Variants in TEX10 observed in about 807,000 individuals in gnomAD.
TEX10 encodes testis expressed 10.
In TEX10, 24 loss-of-function variants were observed where a neutral mutation model predicts 104.4. The observed-to-expected ratio is 0.23, with a 90% CI of 0.17 to 0.32. The LOEUF (loss-of-function observed/expected upper bound fraction) is 0.32. TEX10 is among the 10% of genes least tolerant of loss of function. The pLI is 1.00. For missense variants in TEX10, 921 were observed against 1,083.9 expected (o/e 0.85, Z 2.11); for synonymous variants, 396 against 393.4 (o/e 1.01, Z -0.08).
intron 13 of TEX10, chr9:100,307,036 T>C (rs1834159054): frequency 6.6e-6 from 1 of 152,216 alleles, no homozygotes; most frequent in Non-Finnish European, 1.5e-5. Context: ...TCTTGACCTG[T>C]CAGACCTAAT....
chr9:100,323,854 G>C (rs183921645), intron 9 of TEX10, among the ~76,000 whole-genome samples: 10 of 152,224 alleles, frequency 6.6e-5, no homozygotes, highest in Admixed American at 3.3e-4. Context: ...GAGTATTGCA[G>C]AAAAATCAAT....
intron 11 of TEX10, among the ~76,000 whole-genome samples, chr9:100,316,511 C>A (rs147993481): frequency 6.6e-6 from 1 of 151,996 alleles, no homozygotes; most frequent in Admixed American, 6.6e-5. Flanking sequence ...CAACATAGTA[C>A]GGGACGTCCT....
chr9:100,327,968 A>C lies in TEX10; in HGVS notation c.1626-6T>G. On this transcript the variant is annotated splice_polypyrimidine_tract_variant and splice_region_variant and intron_variant, in intron 7 of 14. Coordinates refer to ENST00000374902, the MANE Select transcript of TEX10 (RefSeq NM_017746.4). ...ATAACACTTTACTACGATATCTTAG[A>C]AAGGCCAAAGAAGAATAAAATGTAA... is the stretch of plus-strand genomic sequence containing the variant. 3 of 1,539,632 alleles carry C rather than the reference A, an allele frequency of 1.9e-6. No homozygotes were observed. The African/African-American group carries it at 4.1e-5, about 21-fold the overall frequency.
chr9:100,340,440 A>T, intron 4 of TEX10, 71 bp from the exon 5 acceptor site: 1 of 869,786 alleles, frequency 1.1e-6, no homozygotes, highest in Non-Finnish European at 1.8e-6. Context: ...CTTGAAGAGA[A>T]ATGACAACTT....
chr9:100,329,367 T>G, intron 6 of TEX10, 92 bp from the exon 7 acceptor site: 1 of 1,486,296 alleles, frequency 6.7e-7, no homozygotes, highest in Non-Finnish European at 9.0e-7. Context: ...CTTTACTTTC[T>G]TCCTATGGCA....
chr9:100,352,767 C>CT lies in TEX10; in HGVS notation c.-10+4dup, dbSNP rs1835495139. On this transcript the variant is annotated splice_donor_region_variant and intron_variant, in intron 1 of 14. Coordinates refer to ENST00000374902, the MANE Select transcript of TEX10 (RefSeq NM_017746.4). ...GACCCGGCCCGACGGGCGACGGCCG[C>CT]TTACCTGAGGACCCGGCCGCGGCCG... is the stretch of plus-strand genomic sequence containing the variant. The CT allele has an allele frequency of 2.6e-6, 3 of 1,135,520 alleles. No homozygotes were observed. The highest frequency in any genetic ancestry group is 2.2e-6 in the Non-Finnish European group (2 of 927,994). The allele number at this position is 1,135,520 out of a possible 1,614,324, so 70.3% of individuals were successfully genotyped here.
intron 5 of TEX10, among the ~76,000 whole-genome samples, chr9:100,334,439 T>C (rs1834955474): frequency 6.6e-6 from 1 of 152,026 alleles, no homozygotes; most frequent in Admixed American, 6.6e-5. Context: ...GAGAAATACA[T>C]TTTTATGGGG....
chr9:100,333,227 G>A (rs1834914312), intron 5 of TEX10, among the ~76,000 whole-genome samples: 1 of 152,028 alleles, frequency 6.6e-6, no homozygotes, highest in South Asian at 2.1e-4. Flanking sequence ...GCCTCCAAAA[G>A]GGCTGGGATT....
chr9:100,302,928 G>A (rs1259072760), intron 14 of TEX10, among the ~76,000 whole-genome samples: 1 of 134,172 alleles, frequency 7.5e-6, no homozygotes, highest in Admixed American at 7.5e-5. Flanking sequence ...TTTTTTAACC[G>A]CCCCCCCCCC....
At position 100,346,798 on chromosome 9, in the gene TEX10, G is replaced by A. The variant is rs1488494312; in HGVS notation, c.789C>T (p.Asn263=). 6.2e-7 allele frequency: 1 copy of A among 1,614,168 alleles called. No individual in the cohort carries two copies. Reference sequence around the variant, plus strand: ...GTTCCTTCCAGTTGATAAAAATGGAGTTGCTAGTGGCATGGGGATTTTCTT... The same window carrying A: ...GTTCCTTCCAGTTGATAAAAATGGAATTGCTAGTGGCATGGGGATTTTCTT... ...EQKENPHATS[N]SIFINWKEHA... Residue 263 remains asparagine (N), a synonymous_variant, in exon 3 of 15, where the codon AAC becomes AAT. Coordinates refer to ENST00000374902, the MANE Select transcript of TEX10 (RefSeq NM_017746.4).
In TEX10 at chr9:100,324,049, T is replaced by A. The variant is rs539200943; in HGVS notation, c.1979+2253A>T. Among the ~76,000 whole-genome samples the A allele has an allele frequency of 7.9e-5, 12 of 152,258 alleles. No homozygotes were observed. In the South Asian group the frequency reaches 2.3e-3, roughly 29 times the overall value. On this transcript the variant is annotated intron_variant, in intron 9 of 14. Transcript: ENST00000374902. ...TGAACTAACCGTCAGTCTTTTTTTT[T>A]AAAGATGGAGTCTCCTTCTGTCACC...
chr9:100,311,400 C>T (rs1001092982), intron 11 of TEX10, among the ~76,000 whole-genome samples: 2 of 151,888 alleles, frequency 1.3e-5, no homozygotes, highest in South Asian at 4.2e-4. Context: ...ACACTGTCTC[C>T]AAAAAATAAG....
chr9:100,330,737 T>A (rs2118890724), intron 5 of TEX10, among the ~76,000 whole-genome samples: 1 of 152,340 alleles, frequency 6.6e-6, no homozygotes, highest in East Asian at 1.9e-4. Context: ...AATATTTTAA[T>A]AAAAACAAAA....
intron 5 of TEX10, among the ~76,000 whole-genome samples, chr9:100,332,628 T>G (rs1327280846): frequency 6.6e-6 from 1 of 151,986 alleles, no homozygotes; most frequent in African/African-American, 2.4e-5. Flanking sequence ...GAGACCATCA[T>G]GGCTAACACG....
intron 11 of TEX10, among the ~76,000 whole-genome samples, chr9:100,311,361 C>T (rs1310229320): frequency 1.3e-5 from 2 of 152,290 alleles, no homozygotes; most frequent in African/African-American, 2.4e-5. Flanking sequence ...AATGGTGACA[C>T]TGCACTGTAG....
chr9:100,310,829 A>G (rs1178592343), intron 11 of TEX10, among the ~76,000 whole-genome samples: 4 of 152,208 alleles, frequency 2.6e-5, no homozygotes, highest in African/African-American at 9.7e-5. Flanking sequence ...GATCAAACAA[A>G]TAGACCTTAT....
intron 5 of TEX10, among the ~76,000 whole-genome samples, chr9:100,332,585 G>T (rs973799154): frequency 6.6e-6 from 1 of 152,170 alleles, no homozygotes; most frequent in African/African-American, 2.4e-5. Flanking sequence ...ACTCTGGGAG[G>T]CCGAGGTGGG....
At chr9:100,340,090 T>C (rs1835137747) in intron 5 of TEX10, among the ~76,000 whole-genome samples, 167 bp downstream of exon 5, 1 of 152,212 alleles carries the variant, frequency 6.6e-6, no homozygotes, top group Non-Finnish European at 1.5e-5. Flanking sequence ...ATCCCAAGGT[T>C]CAAACTCACT....
chr9:100,340,300 A>G lies in TEX10; in HGVS notation c.1207T>C (p.Leu403=). ...HHFMSRFPYV[L]KEITKHKRKE... Reference sequence around the variant, plus strand: ...CTTTTGTGCTTGGTTATTTCTTTTAAGACATATGGAAAACGACTCATAAAA... The same window carrying G: ...CTTTTGTGCTTGGTTATTTCTTTTAGGACATATGGAAAACGACTCATAAAA... The change falls in exon 5 of 15, where the codon TTA becomes CTA. Residue 403 remains leucine, a synonymous_variant. Transcript: ENST00000374902. The G allele has an allele frequency of 6.3e-7, 1 of 1,578,774 alleles. No homozygotes were observed. The highest frequency in any genetic ancestry group is 8.6e-7 in the Non-Finnish European group (1 of 1,168,480).
Sources: gnomAD v4.1 joint callset for allele counts (sites outside exome capture counted in the v4.1 genomes callset) on GRCh38, gnomAD v4.1.1 for gene constraint, MANE v1.5 for transcripts, NCBI Gene and HGNC (gene_info 2026-07-23, HGNC 2026-07-21) for gene names.